Variants in SNX19 observed in about 807,000 individuals in gnomAD.
The protein encoded by SNX19 is sorting nexin 19, also known as sorting nexin-19.
Under a neutral mutation model 85.2 loss-of-function variants are expected in SNX19, and 60 were observed. That is an observed-to-expected ratio of 0.70 (90% CI 0.57 to 0.87). The LOEUF (loss-of-function observed/expected upper bound fraction) is 0.87. Among genes scored for constraint, SNX19 ranks in the 40% least tolerant of loss-of-function variants. The pLI, the probability that SNX19 is intolerant of heterozygous loss-of-function variation, is 0.00. For synonymous variants in SNX19, 520 were observed against 470.0 expected (o/e 1.11, Z -1.38); for missense variants, 1,201 against 1,217.8 (o/e 0.99, Z 0.21).
intron 8 of SNX19, among the ~76,000 whole-genome samples, chr11:130,887,239 T>G (rs1264963283): frequency 2.0e-5 from 3 of 152,188 alleles, no homozygotes; most frequent in Non-Finnish European, 2.9e-5. Context: ...AAAATTAATA[T>G]GTATTAAAAA....
At position 130,886,601 on chromosome 11, in the gene SNX19, G is replaced by C. The variant is rs932820031; in HGVS notation, c.2574-5795C>G. ...ACTGCCAGTCCTAGCACATAAGTAT[G>C]AGTATTGGCTCATCCAATCAGTAGC... On this transcript the variant is annotated intron_variant, in intron 8 of 10. Transcript: ENST00000265909. Among the ~76,000 whole-genome samples, 21 of 152,158 alleles carry C rather than the reference G, an allele frequency of 1.4e-4. 1 individual carries two copies. The highest frequency in any genetic ancestry group is 9.7e-5 in the African/African-American group (4 of 41,450).
Position 130,914,579 on chromosome 11 carries a change from T to C in SNX19, c.1361A>G (p.Lys454Arg). ...GGTAACATCTCCTTGTTCTATCTCC[T>C]TGTCTGCTGTGTCAATATGGATCTC... ...CPEIHIDTAD[K>R]EIEQGDVTAS... is the part of the protein sequence containing the mutation. The change falls in exon 1 of 11, where the codon AAG becomes AGG. Residue 454 changes from lysine to arginine, a missense_variant. By Grantham distance (26) the Lys-to-Arg change is conservative. Around this residue, in one of 3 missense-constraint regions of SNX19, gnomAD observed 791 missense variants for 750.9 expected, o/e 1.05. Coordinates refer to ENST00000265909, the MANE Select transcript of SNX19 (RefSeq NM_014758.3). 1.2e-6 allele frequency: 2 copies of C among 1,614,006 alleles called. No individual in the cohort carries two copies. Among genetic ancestry groups the C allele is most frequent in the Non-Finnish European group, 1.7e-6 (2 of 1,179,870 alleles).
intron 8 of SNX19, chr11:130,893,953 G>A (rs1320653126): frequency 1.6e-6 from 1 of 607,590 alleles, no homozygotes; most frequent in Non-Finnish European, 2.9e-6. Context: ...AAGGACAGAG[G>A]TAAAGATCAA....
chr11:130,913,143 A>G (rs1260454686), intron 1 of SNX19, among the ~76,000 whole-genome samples: 1 of 152,178 alleles, frequency 6.6e-6, no homozygotes, highest in Non-Finnish European at 1.5e-5. Flanking sequence ...TCTGCTAATG[A>G]GGAGGGAAAA....
chr11:130,884,590 G>C (rs533502987), intron 8 of SNX19, among the ~76,000 whole-genome samples: 3 of 152,022 alleles, frequency 2.0e-5, no homozygotes, highest in Non-Finnish European at 2.9e-5. Context: ...ATAATAGGCC[G>C]GGCATAGTGG....
Position 130,880,720 on chromosome 11 carries a change from C to T in SNX19, c.2660G>A (p.Gly887Asp). The T allele has an allele frequency of 1.9e-6, 3 of 1,612,416 alleles. No homozygotes were observed. The highest frequency in any genetic ancestry group is 2.5e-6 in the Non-Finnish European group (3 of 1,178,712). The change falls in exon 9 of 11, where the codon GGT becomes GAT. Residue 887 changes from glycine to aspartate, a missense_variant. By Grantham distance (94) the Gly-to-Asp change is moderately conservative. Transcript: ENST00000265909. ...LLLLQESIWP[G>D]GVLPKFPRPV... The stretch of plus-strand genomic sequence containing the variant: ...CCGTGGAAACTTAGGCAAAACTCCA[C>T]CAGGCCAGATGGACTCCTGAAGAAG...
intron 10 of SNX19, 42 bp from the exon 11 acceptor site, chr11:130,878,596 G>C: frequency 6.3e-7 from 1 of 1,596,546 alleles, no homozygotes. Flanking sequence ...GGCTCAATCA[G>C]GAAACACAAG....
At chr11:130,902,570 C>G (rs1945332222) in intron 8 of SNX19, among the ~76,000 whole-genome samples, 1 of 152,162 alleles carries the variant, frequency 6.6e-6, no homozygotes, top group African/African-American at 2.4e-5. Flanking sequence ...CCAAGCACTA[C>G]GTGTGTCTGC....
chr11:130,911,708 TCA>T lies in SNX19; in HGVS notation c.1736_1737del (p.Val579GlufsTer31), dbSNP rs769150006. 1.3e-5 allele frequency: 21 copies of T among 1,614,104 alleles called. No individual in the cohort carries two copies. Among genetic ancestry groups the T allele is most frequent in the East Asian group, 4.5e-5 (2 of 44,900 alleles). On this transcript the variant is annotated frameshift_variant, in exon 2 of 11. Transcript: ENST00000265909. LOFTEE classifies it high-confidence loss of function. The part of the protein sequence containing the change: ...SGLQQLAYHT[V>X]NRRYREFLNL... ...TTCAAGAACTCCCGATAGCGACGAT[TCA>T]CAGTGTGGTAGGCCAGCTGCTGCAG...
Position 130,908,076 on chromosome 11 carries a change from A to G in SNX19, c.2042T>C (p.Val681Ala). The G allele has an allele frequency of 6.2e-7, 1 of 1,614,088 alleles. No individual in the cohort carries two copies. Among genetic ancestry groups the G allele is most frequent in the South Asian group, 1.1e-5 (1 of 91,082 alleles). ...FMVSRIDKMVVSAIVDTLKTA... is the reference protein window; with the variant it reads ...FMVSRIDKMVASAIVDTLKTA... The stretch of plus-strand genomic sequence containing the variant: ...CTTCAAGGTGTCCACAATGGCACTC[A>G]CCACCATCTGCAGGGGTCAGAGGTG... The change falls in exon 5 of 11, where the codon GTG becomes GCG. Residue 681 changes from valine to alanine, a missense_variant. Val to Ala is a moderately conservative substitution (Grantham distance 64). Coordinates refer to ENST00000265909, the MANE Select transcript of SNX19 (RefSeq NM_014758.3).
At position 130,871,335 on chromosome 11, in the gene SNX19, C is replaced by G. The variant is rs902575567; in HGVS notation, c.*7087G>C. On this transcript the variant is annotated 3_prime_UTR_variant, in exon 11 of 11. Coordinates refer to ENST00000265909, the MANE Select transcript of SNX19 (RefSeq NM_014758.3). ...AAAAGCCACTTGCATTTATAGATAA[C>G]AGAGGGTAAACTTTAAACACAACTG... Among the ~76,000 whole-genome samples, 1 of 152,128 alleles carries G rather than the reference C, an allele frequency of 6.6e-6. No individual in the cohort carries two copies. Among genetic ancestry groups the G allele is most frequent in the Non-Finnish European group, 1.5e-5 (1 of 68,012 alleles).
chr11:130,879,075 T>C (rs1943463105), intron 10 of SNX19, among the ~76,000 whole-genome samples: 1 of 152,232 alleles, frequency 6.6e-6, no homozygotes, highest in South Asian at 2.1e-4. Flanking sequence ...TGGATTATTC[T>C]AGGACTCTTC....
intron 8 of SNX19, chr11:130,895,050 G>C (rs1449796991): frequency 3.5e-5 from 34 of 985,254 alleles, no homozygotes; most frequent in Non-Finnish European, 4.1e-5. Context: ...CTTTCCATGT[G>C]GAAGGAAAGA....
Position 130,915,612 on chromosome 11 carries a change from T to C in SNX19, c.328A>G (p.Ile110Val), listed in dbSNP as rs573221682. ...TACCAAGATAACACAAAATCTCGAA[T>C]AATCATCTGGATGGTGCGGTTGATC... ...REINRTIQMI[I>V]RDFVLSWYRS... Residue 110 changes from isoleucine to valine, a missense_variant, in exon 1 of 11, where the codon ATT (isoleucine) becomes GTT (valine). Ile to Val is a conservative substitution (Grantham distance 29). Transcript: ENST00000265909. 2 of 1,614,246 alleles carry C rather than the reference T, an allele frequency of 1.2e-6. No homozygotes were observed. Among genetic ancestry groups the C allele is most frequent in the East Asian group, 4.5e-5 (2 of 44,880 alleles).
At chr11:130,901,531 T>C (rs1945258448) in intron 8 of SNX19, among the ~76,000 whole-genome samples, 1 of 152,072 alleles carries the variant, frequency 6.6e-6, no homozygotes, top group South Asian at 2.1e-4. Context: ...CGAAGGCAGA[T>C]ACAGGAAGAT....
At position 130,896,237 on chromosome 11, in the gene SNX19, A is replaced by G. The variant is rs142501730; in HGVS notation, c.2573+7018T>C. Among the ~76,000 whole-genome samples the G allele has an allele frequency of 1.3e-4, 20 of 152,310 alleles. No homozygotes were observed. In the East Asian group the frequency reaches 3.9e-3, roughly 29 times the overall value. ...AAGACATAGCCAGGCATCAGAGCTGAACTGGAAGAAAAAGTTACACAGCAA... is the reference window on the plus strand; with the variant it reads ...AAGACATAGCCAGGCATCAGAGCTGGACTGGAAGAAAAAGTTACACAGCAA... On this transcript the variant is annotated intron_variant, in intron 8 of 10. Transcript: ENST00000265909.
intron 1 of SNX19, 125 bp from the exon 2 acceptor site, chr11:130,911,896 G>C (rs1180315913): frequency 1.1e-6 from 1 of 908,958 alleles, no homozygotes; most frequent in Non-Finnish European, 1.7e-6. Flanking sequence ...AAGGGAGGGA[G>C]TATGTTCCTA....
At chr11:130,911,405 A>T in intron 2 of SNX19, 1 of 1,293,818 alleles carries the variant, frequency 7.7e-7, no homozygotes, top group South Asian at 2.0e-5. Context: ...TTTAATCTTA[A>T]ACTAGATGGG....
At chr11:130,886,211 A>G (rs1418931146) in intron 8 of SNX19, among the ~76,000 whole-genome samples, 1 of 152,168 alleles carries the variant, frequency 6.6e-6, no homozygotes, top group Non-Finnish European at 1.5e-5. Context: ...ATTAGAGGTC[A>G]TATCATCTGT....
Sources: gnomAD v4.1 joint callset for allele counts (sites outside exome capture counted in the v4.1 genomes callset) on GRCh38, gnomAD v4.1.1 for gene constraint, gnomAD v4.1.1 regional missense constraint, MANE v1.5 for transcripts, NCBI Gene and HGNC (gene_info 2026-07-23, HGNC 2026-07-21) for gene names.